EGFR: variants seen among roughly 807,000 people sequenced by gnomAD.
EGFR encodes epidermal growth factor receptor.
In EGFR, 58 loss-of-function variants were observed where a neutral mutation model predicts 143.0. The ratio of observed to expected loss-of-function variants is 0.41; its 90% confidence interval spans 0.33 to 0.50. The LOEUF (loss-of-function observed/expected upper bound fraction) is 0.50. Ranked by LOEUF, EGFR falls within the 20% of genes least tolerant of loss-of-function variation. The pLI is 0.39. For missense variants in EGFR, 1,307 were observed against 1,579.0 expected (o/e 0.83, Z 2.92); for synonymous variants, 613 against 594.4 (o/e 1.03, Z -0.45).
intron 1 of EGFR, among the ~76,000 whole-genome samples, chr7:55,035,501 C>T (rs1409838797): frequency 3.7e-5 from 5 of 136,236 alleles, no homozygotes; most frequent in Admixed American, 3.1e-4. Context: ...AGCAAAACCC[C>T]GTCTTCACTA....
At chr7:55,171,271 G>A (rs2128951507) in intron 16 of EGFR, 58 bp downstream of exon 16, 1 of 1,602,060 alleles carries the variant, frequency 6.2e-7, no homozygotes, top group East Asian at 2.2e-5. Flanking sequence ...ACACTGCTGT[G>A]GGTGAAGATG....
At position 55,170,279 on chromosome 7, in the gene EGFR, T is replaced by C. The variant is rs773504107; in HGVS notation, c.1881-896T>C. 4.6e-5 allele frequency: 74 copies of C among 1,613,908 alleles called. No individual in the cohort carries two copies. The South Asian group carries it at 6.9e-4, about 15-fold the overall frequency. On this transcript the variant is annotated intron_variant, in intron 15 of 27. Coordinates refer to ENST00000275493, the MANE Select transcript of EGFR (RefSeq NM_005228.5). ...AGGGCTCCCCAGGCCTCTCACATAT[T>C]GAAATGTACTTGTCCATCTTTCTCC... is the stretch of plus-strand genomic sequence containing the variant.
intron 4 of EGFR, among the ~76,000 whole-genome samples, chr7:55,147,510 C>CA (rs3063067): frequency 0.25 from 33,899 of 137,646 alleles, 4,125 homozygotes; most frequent in Middle Eastern, 0.31. Flanking sequence ...GCCCTCAGAA[C>CA]AAAAAAAAAA....
chr7:55,201,335 A>G lies in EGFR; in HGVS notation c.3094A>G (p.Thr1032Ala), dbSNP rs775415330. The change falls in exon 25 of 28, where the codon ACT becomes GCT. Residue 1032 changes from threonine (T) to alanine (A), a missense_variant. Coordinates refer to ENST00000275493, the MANE Select transcript of EGFR (RefSeq NM_005228.5). ...GFFSSPSTSR[T>A]PLLSSLSATS... Reference sequence around the variant, plus strand: ...CTTCAGCAGCCCCTCCACGTCACGGACTCCCCTCCTGAGCTCTCTGGTATG... The same window carrying G: ...CTTCAGCAGCCCCTCCACGTCACGGGCTCCCCTCCTGAGCTCTCTGGTATG... 1.2e-6 allele frequency: 2 copies of G among 1,612,938 alleles called. No individual in the cohort carries two copies. Among genetic ancestry groups the G allele is most frequent in the Non-Finnish European group, 1.7e-6 (2 of 1,179,754 alleles).
Position 55,165,342 on chromosome 7 carries a change from C to T in EGFR, c.1785C>T (p.Cys595=), listed in dbSNP as rs911320818. Residue 595 remains cysteine (C), a synonymous_variant, in exon 15 of 28, where the codon TGC becomes TGT. Coordinates refer to ENST00000275493, the MANE Select transcript of EGFR (RefSeq NM_005228.5). ...YIDGPHCVKT[C]PAGVMGENNT... ...ACGGCCCCCACTGCGTCAAGACCTG[C>T]CCGGCAGGAGTCATGGGAGAAAACA... 1.2e-6 allele frequency: 2 copies of T among 1,614,078 alleles called. No homozygotes were observed. Among genetic ancestry groups the T allele is most frequent in the African/African-American group, 2.7e-5 (2 of 74,928 alleles).
chr7:55,079,083 A>T (rs1015151947), intron 1 of EGFR, among the ~76,000 whole-genome samples: 27 of 152,182 alleles, frequency 1.8e-4, no homozygotes, highest in African/African-American at 6.0e-4. Context: ...AGCCTTCAGG[A>T]GCCAGGAGGG....
At chr7:55,054,591 A>T (rs1788679773) in intron 1 of EGFR, among the ~76,000 whole-genome samples, 1 of 152,190 alleles carries the variant, frequency 6.6e-6, no homozygotes, top group African/African-American at 2.4e-5. Context: ...GCAAACATGG[A>T]ATTCAGAATG....
At chr7:55,140,769 T>C (rs1185060932) in intron 1 of EGFR, among the ~76,000 whole-genome samples, 1 of 152,216 alleles carries the variant, frequency 6.6e-6, no homozygotes, top group African/African-American at 2.4e-5. Context: ...TCAACTGTCA[T>C]GGTTCCCATG....
intron 1 of EGFR, among the ~76,000 whole-genome samples, chr7:55,041,484 A>T (rs12668421): frequency 0.25 from 38,568 of 152,042 alleles, 6,636 homozygotes; most frequent in East Asian, 0.84. Context: ...CAGCCCATAC[A>T]CATCGTACCA....
intron 1 of EGFR, among the ~76,000 whole-genome samples, chr7:55,069,869 A>G (rs1166325216): frequency 6.6e-6 from 1 of 152,190 alleles, no homozygotes; most frequent in Admixed American, 6.5e-5. Context: ...ACTAATCATC[A>G]TTCTCTGTCT....
chr7:55,144,635 C>A (rs374361400), intron 3 of EGFR, among the ~76,000 whole-genome samples: 1 of 152,198 alleles, frequency 6.6e-6, no homozygotes, highest in African/African-American at 2.4e-5. Flanking sequence ...GGTTCCCCCA[C>A]ACCCCTTGCT....
chr7:55,165,951 G>A (rs888743720), intron 15 of EGFR, among the ~76,000 whole-genome samples: 6 of 152,170 alleles, frequency 3.9e-5, no homozygotes, highest in Non-Finnish European at 8.8e-5. Context: ...TCCAAGGCAG[G>A]CAGATCACTT....
intron 1 of EGFR, among the ~76,000 whole-genome samples, chr7:55,064,206 T>C (rs1246383067): frequency 6.6e-6 from 1 of 152,198 alleles, no homozygotes; most frequent in Non-Finnish European, 1.5e-5. Context: ...TAAAAATAGG[T>C]TGTATGTAGT....
chr7:55,168,524 T>C, intron 15 of EGFR: 1 of 1,565,162 alleles, frequency 6.4e-7, no homozygotes, highest in Non-Finnish European at 8.8e-7. Context: ...TTTTCCCAGG[T>C]CCTAATAAAT....
intron 12 of EGFR, 59 bp downstream of exon 12, chr7:55,160,397 A>G (rs747842847): frequency 2.0e-5 from 30 of 1,538,202 alleles, no homozygotes; most frequent in African/African-American, 2.7e-5. Flanking sequence ...CTTTATTTGT[A>G]TTTAGAATAT....
Position 55,210,895 on chromosome 7 carries a change from G to C in EGFR, c.*5278G>C, listed in dbSNP as rs1788221934. On this transcript the variant is annotated 3_prime_UTR_variant, in exon 28 of 28. Coordinates refer to ENST00000275493, the MANE Select transcript of EGFR (RefSeq NM_005228.5). ...TTTCCCACAGTGAAAGAAAACGCTG[G>C]CCTATCAGTTACATTACAAAAGGCA... 1 of 152,170 alleles carries C rather than the reference G, an allele frequency of 6.6e-6. No homozygotes were observed. The highest frequency in any genetic ancestry group is 1.5e-5 in the Non-Finnish European group (1 of 68,044). 9.4% of individuals were successfully genotyped at this position (152,170 alleles called of 1,614,324 possible). A position where few individuals can be genotyped will look rare whatever the true frequency, so the allele number is the denominator to read the frequency against.
At chr7:55,076,720 A>C (rs1790150260) in intron 1 of EGFR, among the ~76,000 whole-genome samples, 1 of 152,134 alleles carries the variant, frequency 6.6e-6, no homozygotes, top group Non-Finnish European at 1.5e-5. Flanking sequence ...TTTCCCTTTG[A>C]ACTTCATTAG....
chr7:55,149,314 G>T (rs1234293528), intron 4 of EGFR, among the ~76,000 whole-genome samples: 1 of 151,818 alleles, frequency 6.6e-6, no homozygotes, highest in African/African-American at 2.4e-5. Context: ...TAAAAACCTG[G>T]CCCAGAACAT....
intron 1 of EGFR, among the ~76,000 whole-genome samples, chr7:55,047,115 C>T (rs989704801): frequency 7.2e-5 from 11 of 152,098 alleles, no homozygotes; most frequent in African/African-American, 2.7e-4. Context: ...GTGGTGATAA[C>T]ACAGTCATAA....
Sources: gnomAD v4.1 joint callset for allele counts (sites outside exome capture counted in the v4.1 genomes callset) on GRCh38, gnomAD v4.1.1 for gene constraint, MANE v1.5 for transcripts, NCBI Gene and HGNC (gene_info 2026-07-23, HGNC 2026-07-21) for gene names.